Variants in ZDHHC8 observed in about 807,000 individuals in gnomAD.
ZDHHC8 encodes zDHHC palmitoyltransferase 8.
In ZDHHC8, 24 loss-of-function variants were observed where a neutral mutation model predicts 61.2. The ratio of observed to expected loss-of-function variants is 0.39; its 90% CI spans 0.28 to 0.55. ZDHHC8 has a LOEUF of 0.55. Among genes scored for constraint, ZDHHC8 ranks in the 20% least tolerant of loss-of-function variants. The pLI is 0.60. For missense variants in ZDHHC8, 935 were observed against 1,102.1 expected (o/e 0.85, Z 2.15); for synonymous variants, 523 against 492.5 (o/e 1.06, Z -0.82).
At position 20,140,927 on chromosome 22, in the gene ZDHHC8, T is replaced by G. The variant is rs768995774; in HGVS notation, c.809T>G (p.Leu270Arg). Reference sequence around the variant, plus strand: ...GCGGTGAGTTTGAAGCCGCCTTTCCTTAGGCCTGAACTCCTGGACCGAGCT... The same window carrying G: ...GCGGTGAGTTTGAAGCCGCCTTTCCGTAGGCCTGAACTCCTGGACCGAGCT... ...PLAVSLKPPFLRPELLDRAAP... is the reference protein window; with the variant it reads ...PLAVSLKPPFRRPELLDRAAP... Residue 270 changes from leucine to arginine, a missense_variant, in exon 7 of 11, where the codon CTT (leucine) becomes CGT (arginine). Around this residue, in one of 3 missense-constraint regions of ZDHHC8, gnomAD observed 692 missense variants for 731.4 expected, o/e 0.95. Transcript: ENST00000334554. 44 of 1,608,778 alleles carry G rather than the reference T, an allele frequency of 2.7e-5. No individual in the cohort carries two copies. Among genetic ancestry groups the G allele is most frequent in the Non-Finnish European group, 3.3e-5 (39 of 1,179,968 alleles).
At chr22:20,140,238 G>C in intron 5 of ZDHHC8, 21 bp downstream of exon 5, 3 of 1,606,884 alleles carry the variant, frequency 1.9e-6, no homozygotes, top group Non-Finnish European at 2.5e-6. Flanking sequence ...CATGGGGGAT[G>C]GGTGGCCCCA....
At chr22:20,133,325 G>A (rs1031261390) in intron 1 of ZDHHC8, among the ~76,000 whole-genome samples, 6 of 152,140 alleles carry the variant, frequency 3.9e-5, no homozygotes, top group African/African-American at 1.2e-4. Context: ...GCTTCTGGAG[G>A]GGTGGGCCCA....
chr22:20,147,264 G>T lies in ZDHHC8; in HGVS notation c.*1864G>T, dbSNP rs1364997480. The T allele has an allele frequency of 2.8e-6, 4 of 1,416,212 alleles. No individual in the cohort carries two copies. The East Asian group carries it at 8.7e-5, about 31-fold the overall frequency. The allele number at this position is 1,416,212 out of a possible 1,614,324, so 87.7% of individuals were successfully genotyped here. A position where few individuals can be genotyped will look rare whatever the true frequency, so the allele number is the denominator to read the frequency against. ...ACAAGTAGGCGGCTCTGGGGCCCAG[G>T]ACAGCCCAGCTGGGGACCCAGGAGG... is the stretch of plus-strand genomic sequence containing the variant. On this transcript the variant is annotated 3_prime_UTR_variant, in exon 11 of 11. Transcript: ENST00000334554.
chr22:20,146,975 G>A lies in ZDHHC8; in HGVS notation c.*1575G>A. On this transcript the variant is annotated 3_prime_UTR_variant, in exon 11 of 11. Coordinates refer to ENST00000334554, the MANE Select transcript of ZDHHC8 (RefSeq NM_013373.4). ...GTGCGGGCTGTAGGGCCCCGAAGCT[G>A]ACCTCCACCTTTCTGCTTCTCTCTC... 1 of 1,381,810 alleles carries A rather than the reference G, an allele frequency of 7.2e-7. No homozygotes were observed. Among genetic ancestry groups the A allele is most frequent in the Non-Finnish European group, 9.3e-7 (1 of 1,070,102 alleles). The allele number at this position is 1,381,810 out of a possible 1,614,324, so 85.6% of individuals were successfully genotyped here.
At chr22:20,140,756 G>T in intron 6 of ZDHHC8, 48 bp downstream of exon 6, 3 of 1,596,730 alleles carry the variant, frequency 1.9e-6, no homozygotes, top group Non-Finnish European at 2.6e-6. Context: ...GCTGGGTGTG[G>T]GGCGGGCAGC....
intron 10 of ZDHHC8, among the ~76,000 whole-genome samples, chr22:20,144,161 C>T (rs2050501406): frequency 6.6e-6 from 1 of 152,062 alleles, no homozygotes; most frequent in Non-Finnish European, 1.5e-5. Flanking sequence ...CCTGGGCCTG[C>T]TTGGCTGCAT....
rs953156375 is a variant in ZDHHC8 at position 20,135,529 on chromosome 22, G to A, written c.104+3478G>A. Among the ~76,000 whole-genome samples the A allele has an allele frequency of 1.6e-4, 25 of 152,304 alleles. 1 individual carries two copies. The East Asian group carries it at 3.5e-3, about 21-fold the overall frequency. Reference sequence around the variant, plus strand: ...GGATGGTGTGGCTGGTCCCTAGATCGTCCTGAGCCCTCTCCTTGCCTGGAG... The same window carrying A: ...GGATGGTGTGGCTGGTCCCTAGATCATCCTGAGCCCTCTCCTTGCCTGGAG... On this transcript the variant is annotated intron_variant, in intron 1 of 10. Transcript: ENST00000334554.
Position 20,145,983 on chromosome 22 carries a change from A to G in ZDHHC8, c.*583A>G, listed in dbSNP as rs1356212740. The G allele has an allele frequency of 3.9e-5, 38 of 985,540 alleles. No individual in the cohort carries two copies. Among genetic ancestry groups the G allele is most frequent in the Non-Finnish European group, 3.1e-5 (26 of 830,016 alleles). 61.0% of individuals were successfully genotyped at this position (985,540 alleles called of 1,614,324 possible). A position where few individuals can be genotyped will look rare whatever the true frequency, so the allele number is the denominator to read the frequency against. Reference sequence around the variant, plus strand: ...TGGGTGGTGGTGGATAGGTGGACAGACGGCCAGCCAGCCAGCTGTGGCCGG... The same window carrying G: ...TGGGTGGTGGTGGATAGGTGGACAGGCGGCCAGCCAGCCAGCTGTGGCCGG... On this transcript the variant is annotated 3_prime_UTR_variant, in exon 11 of 11. Coordinates refer to ENST00000334554, the MANE Select transcript of ZDHHC8 (RefSeq NM_013373.4).
intron 1 of ZDHHC8, among the ~76,000 whole-genome samples, chr22:20,136,177 G>A (rs939999828): frequency 6.6e-6 from 1 of 152,298 alleles, no homozygotes; most frequent in East Asian, 1.9e-4. Flanking sequence ...GGGACATGGC[G>A]GGCCAGACAC....
chr22:20,133,493 C>T (rs893723835), intron 1 of ZDHHC8, among the ~76,000 whole-genome samples: 3 of 152,146 alleles, frequency 2.0e-5, no homozygotes, highest in African/African-American at 7.2e-5. Context: ...CTTTGGGAGG[C>T]CAAGGTGGGC....
intron 1 of ZDHHC8, among the ~76,000 whole-genome samples, chr22:20,135,582 G>T (rs1342316013): frequency 6.6e-6 from 1 of 152,236 alleles, no homozygotes; most frequent in Non-Finnish European, 1.5e-5. Flanking sequence ...AGTCAGAACA[G>T]GCCCTGGGCC....
chr22:20,131,920 G>A lies in ZDHHC8; in HGVS notation c.-28G>A. ...GCCGGCCCTGCCCGCCCGGCCCCGG[G>A]GAGGGATGCGGCGGCGCGGCGCCCA... On this transcript the variant is annotated 5_prime_UTR_variant, in exon 1 of 11. Transcript: ENST00000334554. The A allele has an allele frequency of 9.2e-7, 1 of 1,082,788 alleles. No individual in the cohort carries two copies. Among genetic ancestry groups the A allele is most frequent in the Non-Finnish European group, 1.1e-6 (1 of 885,484 alleles). 67.1% of individuals were successfully genotyped at this position (1,082,788 alleles called of 1,614,324 possible). A position where few individuals can be genotyped will look rare whatever the true frequency, so the allele number is the denominator to read the frequency against.
In ZDHHC8 at chr22:20,141,258, C is replaced by T. The variant is rs754503367; in HGVS notation, c.936C>T (p.Asp312=). The T allele has an allele frequency of 1.2e-6, 2 of 1,612,722 alleles. No homozygotes were observed. Among genetic ancestry groups the T allele is most frequent in the South Asian group, 2.2e-5 (2 of 91,054 alleles). Residue 312 remains aspartate (D), a synonymous_variant, in exon 8 of 11, where the codon GAC becomes GAT. Transcript: ENST00000334554. ...ACCGGCTGGATGAGAAGCCACTGGA[C>T]TTGGGGCCACCACTGCCCCCCAAGA... ...SLDRLDEKPL[D]LGPPLPPKIE... is the part of the protein sequence containing the mutation.
At position 20,145,892 on chromosome 22, in the gene ZDHHC8, G is replaced by T. The variant is rs1482045284; in HGVS notation, c.*492G>T. On this transcript the variant is annotated 3_prime_UTR_variant, in exon 11 of 11. Transcript: ENST00000334554. Reference sequence around the variant, plus strand: ...CCAGGCTACTCCTAACTAACGCGTTGCCTTTCACGGACCCCGCTGGAAGCT... The same window carrying T: ...CCAGGCTACTCCTAACTAACGCGTTTCCTTTCACGGACCCCGCTGGAAGCT... 2.0e-6 allele frequency: 2 copies of T among 985,748 alleles called. No individual in the cohort carries two copies. The highest frequency in any genetic ancestry group is 3.5e-5 in the African/African-American group (2 of 57,246). The allele number at this position is 985,748 out of a possible 1,614,324, so 61.1% of individuals were successfully genotyped here. A position where few individuals can be genotyped will look rare whatever the true frequency, so the allele number is the denominator to read the frequency against.
At chr22:20,145,184 G>T (rs778187980) in intron 10 of ZDHHC8, 45 bp from the exon 11 acceptor site, 3 of 1,378,346 alleles carry the variant, frequency 2.2e-6, no homozygotes, top group Admixed American at 2.9e-5. Context: ...CCCCGTGTTC[G>T]TGTGTTCACC....
At chr22:20,134,882 G>A (rs2050407106) in intron 1 of ZDHHC8, among the ~76,000 whole-genome samples, 1 of 152,122 alleles carries the variant, frequency 6.6e-6, no homozygotes, top group Non-Finnish European at 1.5e-5. Context: ...ACATACAGCA[G>A]GGCAGTTTCT....
Position 20,131,958 on chromosome 22 carries a change from G to A in ZDHHC8, c.11G>A (p.Ser4Asn). Residue 4 changes from serine to asparagine, a missense_variant, in exon 1 of 11, where the codon AGC (serine) becomes AAC (asparagine). Physicochemically the swap from Ser to Asn is conservative, Grantham distance 46. This residue lies in a region of ZDHHC8 where 44 missense variants were observed against 36.6 expected (regional missense o/e 1.20). Transcript: ENST00000334554. ...GGCGCGGCGCCCAGGATGCCCCGCA[G>A]CCCCGGGACGCGCCTCAAACCCGCC... MPR[S>N]PGTRLKPAKY... 2 of 1,272,198 alleles carry A rather than the reference G, an allele frequency of 1.6e-6. No homozygotes were observed. The highest frequency in any genetic ancestry group is 2.0e-6 in the Non-Finnish European group (2 of 989,854). The allele number at this position is 1,272,198 out of a possible 1,614,324, so 78.8% of individuals were successfully genotyped here. A position where few individuals can be genotyped will look rare whatever the true frequency, so the allele number is the denominator to read the frequency against.
In ZDHHC8 at chr22:20,143,322, G is replaced by T; in HGVS notation, c.1692G>T (p.Leu564=). 1.3e-6 allele frequency: 2 copies of T among 1,594,202 alleles called. No individual in the cohort carries two copies. The highest frequency in any genetic ancestry group is 8.5e-7 in the Non-Finnish European group (1 of 1,173,610). The change falls in exon 10 of 11, where the codon CTG becomes CTT. Residue 564 remains leucine (L), a synonymous_variant. Transcript: ENST00000334554. ...ERKDREERER[L]LRSQADSLFG... ...AGGACAGGGAGGAGCGTGAGCGCCT[G>T]CTGCGCTCCCAGGCCGACTCACTCT...
At position 20,140,191 on chromosome 22, in the gene ZDHHC8, A is replaced by T. The variant is rs1339853865; in HGVS notation, c.634A>T (p.Thr212Ser). 1 of 1,612,402 alleles carries T rather than the reference A, an allele frequency of 6.2e-7. No homozygotes were observed. Among genetic ancestry groups the T allele is most frequent in the Non-Finnish European group, 8.5e-7 (1 of 1,179,870 alleles). The change falls in exon 5 of 11, where the codon ACT becomes TCT. Residue 212 changes from threonine to serine, a missense_variant. Transcript: ENST00000334554. ...GLTGFHVVLV[T>S]RGRTTNEQVT... ...CACTGGCTTCCATGTGGTGCTGGTC[A>T]CTCGGGGGCGCACCACCAACGAGCA...
Sources: gnomAD v4.1 joint callset for allele counts (sites outside exome capture counted in the v4.1 genomes callset) on GRCh38, gnomAD v4.1.1 for gene constraint, gnomAD v4.1.1 regional missense constraint, MANE v1.5 for transcripts, NCBI Gene and HGNC (gene_info 2026-07-23, HGNC 2026-07-21) for gene names.